Variants in ELFN1 observed in about 807,000 individuals in gnomAD.
ELFN1 encodes the protein extracellular leucine rich repeat and fibronectin type III domain containing 1.
ELFN1 carries 6 observed loss-of-function variants against 7.6 expected under a neutral mutation model. The observed-to-expected ratio is 0.79, with a 90% CI of 0.43 to 1.56. The LOEUF (loss-of-function observed/expected upper bound fraction) is 1.56. Among genes scored for constraint, ELFN1 ranks in the 40% most tolerant of loss-of-function variants. ELFN1 has a pLI of 0.01. For synonymous variants in ELFN1, 657 were observed against 588.1 expected (o/e 1.12, Z -1.70); for missense variants, 1,169 against 1,232.2 (o/e 0.95, Z 0.77).
At chr7:1,717,219 C>T (rs759294678) in intron 3 of ELFN1, among the ~76,000 whole-genome samples, 9 of 152,184 alleles carry the variant, frequency 5.9e-5, no homozygotes, top group Non-Finnish European at 1.3e-4. Flanking sequence ...GGAGAGCCAC[C>T]CACACTCCAG....
At chr7:1,716,728 C>A (rs184956754) in intron 3 of ELFN1, among the ~76,000 whole-genome samples, 13 of 152,326 alleles carry the variant, frequency 8.5e-5, no homozygotes, top group Non-Finnish European at 1.8e-4. Context: ...AGCCGCACTC[C>A]CCCAGCCTCA....
At chr7:1,730,157 G>A (rs1035011229) in intron 3 of ELFN1, among the ~76,000 whole-genome samples, 2 of 152,258 alleles carry the variant, frequency 1.3e-5, no homozygotes, top group African/African-American at 4.8e-5. Context: ...GTGAAAATCT[G>A]GAAAGCACAG....
rs1583340089 is a variant in ELFN1 at position 1,705,715 on chromosome 7, C to T, written c.-455-3376C>T. Among the ~76,000 whole-genome samples, 2 of 152,226 alleles carry T rather than the reference C, an allele frequency of 1.3e-5. No individual in the cohort carries two copies. Among genetic ancestry groups the T allele is most frequent in the East Asian group, 3.9e-4 (2 of 5,188 alleles). On this transcript the variant is annotated intron_variant, in intron 2 of 3. Coordinates refer to ENST00000424383, the MANE Select transcript of ELFN1 (RefSeq NM_001128636.4). This position sits in a 1 kb window ranked among gnomAD's most constrained non-coding sequence, Gnocchi z 4.3. ...TGGCAATTCAGTGGATGGCTTTGGG[C>T]CTCGGTTTCCTGTCCACAACATCCT... is the stretch of plus-strand genomic sequence containing the variant.
upstream of ELFN1, among the ~76,000 whole-genome samples, chr7:1,668,803 G>A (rs1583300113): frequency 6.6e-6 from 1 of 152,376 alleles, no homozygotes; most frequent in East Asian, 1.9e-4. Flanking sequence ...GGGGCAGAGG[G>A]AGAAAGGCCA....
chr7:1,744,474 G>T lies in ELFN1; in HGVS notation c.-123G>T. ...CGCGCGGCCATGCGGTTTGGGACAG[G>T]ACACCCCTGAGAGTGCAGGCACCTC... On this transcript the variant is annotated 5_prime_UTR_variant, in exon 4 of 4. Coordinates refer to ENST00000424383, the MANE Select transcript of ELFN1 (RefSeq NM_001128636.4). 8.4e-7 allele frequency: 1 copy of T among 1,183,856 alleles called. No individual in the cohort carries two copies. The highest frequency in any genetic ancestry group is 1.1e-6 in the Non-Finnish European group (1 of 881,326). The allele number at this position is 1,183,856 out of a possible 1,614,324, so 73.3% of individuals were successfully genotyped here.
At position 1,746,747 on chromosome 7, in the gene ELFN1, GC is replaced by G. The variant is rs1780812564; in HGVS notation, c.2157del (p.Pro721HisfsTer40). 9 of 1,492,366 alleles carry G rather than the reference GC, an allele frequency of 6.0e-6. No homozygotes were observed. Among genetic ancestry groups the G allele is most frequent in the Middle Eastern group, 1.8e-4 (1 of 5,430 alleles). The allele number at this position is 1,492,366 out of a possible 1,614,324, so 92.4% of individuals were successfully genotyped here. On this transcript the variant is annotated frameshift_variant, in exon 4 of 4. Coordinates refer to ENST00000424383, the MANE Select transcript of ELFN1 (RefSeq NM_001128636.4). LOFTEE classifies it low-confidence loss of function (END_TRUNC). ...PGSHPAEPPA[P>X]PGPPPPPPHE... ...GCTCCCACCCGGCCGAGCCACCTGC[GC>G]CCCCCGGGCCACCGCCGCCGCCTCC... is the stretch of plus-strand genomic sequence containing the variant.
chr7:1,733,243 C>G (rs1184909014), intron 3 of ELFN1, among the ~76,000 whole-genome samples: 1 of 152,200 alleles, frequency 6.6e-6, no homozygotes, highest in Non-Finnish European at 1.5e-5. Context: ...AGCTGAGGTT[C>G]CTTGGCAGCC....
chr7:1,729,245 C>A (rs1293449516), intron 3 of ELFN1, among the ~76,000 whole-genome samples: 3 of 152,218 alleles, frequency 2.0e-5, no homozygotes, highest in Non-Finnish European at 4.4e-5. Context: ...CCACCCACTC[C>A]CTCTTACTTG....
At chr7:1,700,047 C>G (rs1779393812) in intron 2 of ELFN1, among the ~76,000 whole-genome samples, 1 of 152,024 alleles carries the variant, frequency 6.6e-6, no homozygotes, top group Non-Finnish European at 1.5e-5. Context: ...CATTTTTTTC[C>G]TTCTCTATCA....
At chr7:1,693,677 G>A (rs908701521) in intron 2 of ELFN1, 3 of 471,064 alleles carry the variant, frequency 6.4e-6, no homozygotes, top group South Asian at 4.6e-5. Flanking sequence ...ATGCGTGCAT[G>A]CCCTCTGTGT....
intron 1 of ELFN1, among the ~76,000 whole-genome samples, chr7:1,681,980 G>A (rs1778982866): frequency 6.6e-6 from 1 of 152,116 alleles, no homozygotes; most frequent in Admixed American, 6.5e-5. Context: ...CAGAATTATT[G>A]TGAGTTCTGT....
Position 1,747,235 on chromosome 7 carries a change from A to G in ELFN1, c.*152A>G. 1 of 900,494 alleles carries G rather than the reference A, an allele frequency of 1.1e-6. No individual in the cohort carries two copies. The highest frequency in any genetic ancestry group is 2.3e-5 in the South Asian group (1 of 43,282). 55.8% of individuals were successfully genotyped at this position (900,494 alleles called of 1,614,324 possible). On this transcript the variant is annotated 3_prime_UTR_variant, in exon 4 of 4. Coordinates refer to ENST00000424383, the MANE Select transcript of ELFN1 (RefSeq NM_001128636.4). Reference sequence around the variant, plus strand: ...AGGGGGGAGCGAGTGGGGACAGACAAGGGGGACACGTCCCGAGCTCCTGTG... The same window carrying G: ...AGGGGGGAGCGAGTGGGGACAGACAGGGGGGACACGTCCCGAGCTCCTGTG...
chr7:1,684,296 G>A (rs1035581123), intron 1 of ELFN1, among the ~76,000 whole-genome samples: 1 of 152,104 alleles, frequency 6.6e-6, no homozygotes, highest in Admixed American at 6.6e-5. Context: ...GAACTAAAAT[G>A]TACCCCTTCT....
chr7:1,701,545 C>T (rs983452746), intron 2 of ELFN1, among the ~76,000 whole-genome samples: 1 of 152,172 alleles, frequency 6.6e-6, no homozygotes, highest in African/African-American at 2.4e-5. Flanking sequence ...TGCAGTGGCT[C>T]ATGCTTGTAA....
In ELFN1 at chr7:1,739,976, G is replaced by A. The variant is rs979871565; in HGVS notation, c.-293-4328G>A. 3.3e-5 allele frequency among the ~76,000 whole-genome samples: 5 copies of A among 152,334 alleles called. No homozygotes were observed. The highest frequency in any genetic ancestry group is 1.9e-4 in the East Asian group (1 of 5,190). On this transcript the variant is annotated intron_variant, in intron 3 of 3. Coordinates refer to ENST00000424383, the MANE Select transcript of ELFN1 (RefSeq NM_001128636.4). This position sits in a 1 kb window ranked among gnomAD's most constrained non-coding sequence, Gnocchi z 4.6. ...GTTTTATGGAAGGTTCTAGAACTAC[G>A]AGTTCCAATACGGCAGCTACTAGCC...
chr7:1,716,584 A>G (rs2128590524), intron 3 of ELFN1, among the ~76,000 whole-genome samples: 1 of 152,348 alleles, frequency 6.6e-6, no homozygotes, highest in Admixed American at 6.5e-5. Flanking sequence ...GTGCAAGGAT[A>G]TCCACATTCT....
chr7:1,727,899 T>C (rs1780239574), intron 3 of ELFN1, among the ~76,000 whole-genome samples: 2 of 152,132 alleles, frequency 1.3e-5, no homozygotes, highest in Non-Finnish European at 2.9e-5. Flanking sequence ...TGAGCCACTG[T>C]GCCTCACCTC....
intron 2 of ELFN1, chr7:1,693,035 G>A (rs935342549): frequency 4.6e-5 from 13 of 284,068 alleles, no homozygotes; most frequent in Admixed American, 8.1e-5. Context: ...TAAAATGGGC[G>A]CAGGTCAGCC....
intron 2 of ELFN1, among the ~76,000 whole-genome samples, chr7:1,696,951 A>G (rs1779328030): frequency 6.6e-6 from 1 of 152,190 alleles, no homozygotes; most frequent in African/African-American, 2.4e-5. Flanking sequence ...GACCACGAGC[A>G]ATGCACTAGC....
Sources: allele counts gnomAD v4.1 joint callset (sites outside exome capture counted in the v4.1 genomes callset), GRCh38; gene constraint gnomAD v4.1.1; non-coding constraint Gnocchi (gnomAD v3.1); transcripts MANE v1.5; gene names NCBI Gene and HGNC (gene_info 2026-07-23, HGNC 2026-07-21).